The following CCDC33 variants were observed in gnomAD, a reference collection of about 807,000 sequenced individuals.
The protein encoded by CCDC33 is coiled-coil domain containing 33.
CCDC33 carries 94 observed loss-of-function variants against 91.9 expected under a neutral mutation model. The observed-to-expected ratio is 1.02, with a 90% CI of 0.87 to 1.21. CCDC33 has a LOEUF of 1.21. Ranked by LOEUF, CCDC33 falls within the 50% of genes most tolerant of loss-of-function variation. CCDC33 has a pLI of 0.00. For synonymous variants in CCDC33, 396 were observed against 374.5 expected, an observed-to-expected ratio of 1.06 and a Z score of -0.66; for missense variants, 940 against 935.5, an observed-to-expected ratio of 1.00 and a Z score of -0.06.
chr15:74,276,135 G>A (rs977928809), intron 7 of CCDC33, among the ~76,000 whole-genome samples: 2 of 152,216 alleles, frequency 1.3e-5, no homozygotes, highest in African/African-American at 2.4e-5. Flanking sequence ...TGGTATAAAT[G>A]TGGAAGGTTA....
intron 2 of CCDC33, among the ~76,000 whole-genome samples, chr15:74,225,374 A>G (rs1202109616): frequency 1.3e-5 from 2 of 151,984 alleles, no homozygotes; most frequent in Non-Finnish European, 2.9e-5. Context: ...CCTTACACCC[A>G]TGGAAAGCGG....
intron 11 of CCDC33, among the ~76,000 whole-genome samples, chr15:74,326,433 A>C (rs985969551): frequency 3.9e-5 from 6 of 152,186 alleles, no homozygotes; most frequent in Admixed American, 1.3e-4. Context: ...CTCTCTCTCC[A>C]CAGCAACCCC....
At chr15:74,255,095 C>G (rs2075821224) in intron 2 of CCDC33, among the ~76,000 whole-genome samples, 1 of 136,142 alleles carries the variant, frequency 7.3e-6, no homozygotes, top group Non-Finnish European at 1.6e-5. Flanking sequence ...CCCCCTTTCC[C>G]CCCATCCTGA....
chr15:74,268,018 A>C (rs2076212992), intron 4 of CCDC33, among the ~76,000 whole-genome samples: 1 of 152,140 alleles, frequency 6.6e-6, no homozygotes, highest in Non-Finnish European at 1.5e-5. Flanking sequence ...GAGACTCAGC[A>C]CTTGAGCTGT....
At chr15:74,319,069 G>C in intron 11 of CCDC33, among the ~76,000 whole-genome samples, 1 of 152,230 alleles carries the variant, frequency 6.6e-6, no homozygotes, top group East Asian at 1.9e-4. Flanking sequence ...GTGAGGAGGA[G>C]TGGGTGTGGC....
At chr15:74,295,282 G>A (rs770140058) in intron 10 of CCDC33, among the ~76,000 whole-genome samples, 1 of 152,206 alleles carries the variant, frequency 6.6e-6, no homozygotes, top group Non-Finnish European at 1.5e-5. Context: ...ATTTGCAGAA[G>A]GAAGGCAGTT....
chr15:74,335,162 CT>C, intron 18 of CCDC33, 74 bp downstream of exon 18: 1 of 1,185,740 alleles, frequency 8.4e-7, no homozygotes. Context: ...CCCAAAGTCA[CT>C]GGGCCCTGAG....
chr15:74,219,156 G>A (rs921324321), intron 2 of CCDC33, among the ~76,000 whole-genome samples: 1 of 152,182 alleles, frequency 6.6e-6, no homozygotes, highest in South Asian at 2.1e-4. Flanking sequence ...TCCCAACCTC[G>A]TTCTCACCAG....
At chr15:74,294,535 C>T (rs2059643702) in intron 10 of CCDC33, among the ~76,000 whole-genome samples, 1 of 151,906 alleles carries the variant, frequency 6.6e-6, no homozygotes, top group African/African-American at 2.4e-5. Flanking sequence ...ATCACAAGGT[C>T]AAGAGTTCGA....
chr15:74,317,887 GTTTTTTTTTT>G (rs71137385), intron 11 of CCDC33, among the ~76,000 whole-genome samples: 1 of 110,488 alleles, frequency 9.1e-6, no homozygotes, highest in Admixed American at 9.2e-5. Context: ...GTTTGGGTTT[GTTTTTTTTTT>G]TTTTTTTTTT....
intron 11 of CCDC33, among the ~76,000 whole-genome samples, chr15:74,328,672 T>G (rs1443228777): frequency 1.3e-5 from 2 of 152,190 alleles, no homozygotes; most frequent in African/African-American, 4.8e-5. Flanking sequence ...GGCTAGACAG[T>G]GGCAGGTGAC....
chr15:74,287,825 T>G (rs887932339), intron 10 of CCDC33, among the ~76,000 whole-genome samples: 44 of 152,058 alleles, frequency 2.9e-4, no homozygotes, highest in Non-Finnish European at 5.6e-4. Context: ...AAGCTTAGGA[T>G]GGGGCAGGAG....
At chr15:74,313,246 G>A (rs1486734054) in intron 11 of CCDC33, among the ~76,000 whole-genome samples, 2 of 152,084 alleles carry the variant, frequency 1.3e-5, no homozygotes, top group African/African-American at 4.8e-5. Flanking sequence ...GGCCCACCCA[G>A]ATAACTGAGA....
chr15:74,295,643 G>A lies in CCDC33; in HGVS notation c.1096-111G>A, dbSNP rs1185443913. Reference sequence around the variant, plus strand: ...AGGTGTGCACGGGCCAGCCATGCAGGGCCTCCTGAGCCATGAGGAGGAGAG... The same window carrying A: ...AGGTGTGCACGGGCCAGCCATGCAGAGCCTCCTGAGCCATGAGGAGGAGAG... On this transcript the variant is annotated intron_variant, in intron 10 of 18. Coordinates refer to ENST00000398814, the MANE Select transcript of CCDC33 (RefSeq NM_025055.5). 11 of 892,964 alleles carry A rather than the reference G, an allele frequency of 1.2e-5. No homozygotes were observed. In the East Asian group the frequency reaches 2.8e-4, roughly 23 times the overall value. 55.3% of individuals were successfully genotyped at this position (892,964 alleles called of 1,614,324 possible).
chr15:74,238,615 T>G (rs569838392), intron 1 of CCDC33, among the ~76,000 whole-genome samples: 136 of 152,322 alleles, frequency 8.9e-4, no homozygotes, highest in Admixed American at 3.6e-3. Flanking sequence ...CAGGGCATTT[T>G]GGACCATTAT....
chr15:74,289,309 T>C (rs1404252548), intron 10 of CCDC33, among the ~76,000 whole-genome samples: 2 of 152,152 alleles, frequency 1.3e-5, no homozygotes, highest in Non-Finnish European at 2.9e-5. Context: ...CTGCCCTGAG[T>C]TGGGGGCTGT....
rs577746377 is a variant in CCDC33, at chr15:74,238,179, C to T, written c.21+1439C>T. Reference sequence around the variant, plus strand: ...TGGTGTCTCACTCCTGTAATCCCAGCACTTTGGGAGGCCAAGGCAGAAGTT... The same window carrying T: ...TGGTGTCTCACTCCTGTAATCCCAGTACTTTGGGAGGCCAAGGCAGAAGTT... On this transcript the variant is annotated intron_variant, in intron 1 of 18. Coordinates refer to ENST00000398814, the MANE Select transcript of CCDC33 (RefSeq NM_025055.5). Among the ~76,000 whole-genome samples, 3 of 152,072 alleles carry T rather than the reference C, an allele frequency of 2.0e-5. No individual in the cohort carries two copies. In the East Asian group the frequency reaches 5.8e-4, roughly 29 times the overall value.
At chr15:74,262,650 C>T in intron 3 of CCDC33, 77 bp downstream of exon 3, 1 of 1,483,978 alleles carries the variant, frequency 6.7e-7, no homozygotes, top group East Asian at 2.4e-5. Flanking sequence ...AAGAAGCAGG[C>T]TCCCTCTCAC....
chr15:74,214,328 G>T (rs150308194), upstream of CCDC33, among the ~76,000 whole-genome samples: 1 of 152,188 alleles, frequency 6.6e-6, no homozygotes, highest in African/African-American at 2.4e-5. Context: ...TTGGAAGTTC[G>T]CCTTCCAAGG....
Sources: gnomAD v4.1 joint callset for allele counts (sites outside exome capture counted in the v4.1 genomes callset) on GRCh38, gnomAD v4.1.1 for gene constraint, MANE v1.5 for transcripts, NCBI Gene and HGNC (gene_info 2026-07-23, HGNC 2026-07-21) for gene names.